Variants in CDR2L observed in about 807,000 individuals in gnomAD.
CDR2L encodes cerebellar degeneration related protein 2 like.
A neutral mutation model predicts 36.1 loss-of-function variants in CDR2L; 19 were observed. The observed-to-expected ratio is 0.53, with a 90% CI of 0.37 to 0.77. The LOEUF is 0.77. Among genes scored for constraint, CDR2L ranks in the 30% least tolerant of loss-of-function variants. CDR2L has a pLI of 0.00. For missense variants in CDR2L, 575 were observed against 627.2 expected, an observed-to-expected ratio of 0.92 and a Z score of 0.89; for synonymous variants, 285 against 280.4, an observed-to-expected ratio of 1.02 and a Z score of -0.16.
Position 75,004,334 on chromosome 17 carries a change from A to ATCCCCCAGC in CDR2L, c.*270_*278dup, listed in dbSNP as rs1350462043. The ATCCCCCAGC allele has an allele frequency of 1.0e-5, 4 of 401,908 alleles. No homozygotes were observed. The East Asian group carries it at 1.7e-4, about 17-fold the overall frequency. The allele number at this position is 401,908 out of a possible 1,614,324, so 24.9% of individuals were successfully genotyped here. ...GCCAAATGTCCCCACTACCCCAGGG[A>ATCCCCCAGC]TCCCCCAGCTCCCCCAGCCCCTGGC... On this transcript the variant is annotated 3_prime_UTR_variant, in exon 5 of 5. Transcript: ENST00000337231.
chr17:74,997,445 G>A (rs996254932), intron 1 of CDR2L, among the ~76,000 whole-genome samples: 2 of 152,084 alleles, frequency 1.3e-5, no homozygotes, highest in Non-Finnish European at 2.9e-5. Context: ...GGAGAGTGAA[G>A]CTCTCCCTTG....
chr17:75,001,380 G>A lies in CDR2L; in HGVS notation c.232G>A (p.Glu78Lys), dbSNP rs764486501. 6.8e-6 allele frequency: 11 copies of A among 1,611,474 alleles called. No individual in the cohort carries two copies. Among genetic ancestry groups the A allele is most frequent in the African/African-American group, 5.3e-5 (4 of 74,834 alleles). Residue 78 changes from glutamate to lysine, a missense_variant, in exon 3 of 5, where the codon GAG becomes AAG. Physicochemically the swap from Glu to Lys is moderately conservative, Grantham distance 56. Coordinates refer to ENST00000337231, the MANE Select transcript of CDR2L (RefSeq NM_014603.3). ...KQLDTLRHVNEQHAKVYEQLD... is the reference protein window; with the variant it reads ...KQLDTLRHVNKQHAKVYEQLD... ...GCTGGACACGCTGCGGCACGTGAAC[G>A]AGCAGCACGCCAAAGTCTATGAGCA...
chr17:74,995,950 C>G (rs576562290), intron 1 of CDR2L, among the ~76,000 whole-genome samples: 6 of 152,004 alleles, frequency 3.9e-5, no homozygotes, highest in African/African-American at 7.2e-5. Flanking sequence ...AGGACCCGCT[C>G]TCTCCCACCC....
chr17:75,004,386 A>C lies in CDR2L; in HGVS notation c.*312A>C. 3.6e-6 allele frequency: 1 copy of C among 279,940 alleles called. No individual in the cohort carries two copies. The allele number at this position is 279,940 out of a possible 1,614,324, so 17.3% of individuals were successfully genotyped here. A position where few individuals can be genotyped will look rare whatever the true frequency, so the allele number is the denominator to read the frequency against. On this transcript the variant is annotated 3_prime_UTR_variant, in exon 5 of 5. Transcript: ENST00000337231. The stretch of plus-strand genomic sequence containing the variant: ...TCCTGACCCTGCGCCTCACCCTCAG[A>C]CTGGTGACCAGGCTTCTGAAAGCCA...
chr17:74,995,286 C>A (rs1041251502), intron 1 of CDR2L, among the ~76,000 whole-genome samples: 20 of 151,622 alleles, frequency 1.3e-4, no homozygotes, highest in African/African-American at 4.6e-4. Flanking sequence ...TCACAGCTCA[C>A]CAAGTAGCTG....
chr17:74,998,654 A>G (rs2039845394), intron 1 of CDR2L, among the ~76,000 whole-genome samples: 1 of 152,208 alleles, frequency 6.6e-6, no homozygotes, highest in South Asian at 2.1e-4. Context: ...ACTGCAGGGC[A>G]GGGAACAGTG....
Position 75,002,059 on chromosome 17 carries a change from C to G in CDR2L, c.342-5C>G. ...GTCCCTGTGTGTCCACCACCCCGCCCCCAGGCTGACGGAGACCATTGAGCG... is the reference window on the plus strand; with the variant it reads ...GTCCCTGTGTGTCCACCACCCCGCCGCCAGGCTGACGGAGACCATTGAGCG... On this transcript the variant is annotated splice_region_variant and splice_polypyrimidine_tract_variant and intron_variant, in intron 3 of 4. Coordinates refer to ENST00000337231, the MANE Select transcript of CDR2L (RefSeq NM_014603.3). This position sits in a 1 kb window ranked among gnomAD's most constrained non-coding sequence, Gnocchi z 4.1. The G allele has an allele frequency of 1.9e-6, 3 of 1,574,394 alleles. No homozygotes were observed. The highest frequency in any genetic ancestry group is 2.6e-6 in the Non-Finnish European group (3 of 1,164,192).
At position 75,002,078 on chromosome 17, in the gene CDR2L, T is replaced by G; in HGVS notation, c.356T>G (p.Ile119Ser). The change falls in exon 4 of 5, where the codon ATT becomes AGT. Residue 119 changes from isoleucine (I) to serine (S), a missense_variant. Transcript: ENST00000337231. The surrounding 1 kb of genome is among the most constrained non-coding windows in gnomAD (Gnocchi z 4.1). Reference protein sequence around the residue: ...QQKIHGLTETIERLQAQVEEL... With the variant: ...QQKIHGLTETSERLQAQVEEL... ...CCCGCCCCCAGGCTGACGGAGACCATTGAGCGCCTCCAGGCTCAGGTGGAG... is the reference window on the plus strand; with the variant it reads ...CCCGCCCCCAGGCTGACGGAGACCAGTGAGCGCCTCCAGGCTCAGGTGGAG... The G allele has an allele frequency of 6.3e-7, 1 of 1,595,258 alleles. No homozygotes were observed. The highest frequency in any genetic ancestry group is 8.5e-7 in the Non-Finnish European group (1 of 1,172,908).
intron 1 of CDR2L, 88 bp downstream of exon 1, chr17:74,988,210 G>C: frequency 9.7e-7 from 1 of 1,033,528 alleles, no homozygotes; most frequent in Non-Finnish European, 1.4e-6. Flanking sequence ...ATCACCCCGG[G>C]AGGGGCTGGG....
Position 74,988,130 on chromosome 17 carries a change from C to CG in CDR2L, c.79+13dup. ...AGCAGGACCTGGAGCAGGGTGAGCG[C>CG]GGGGGCGACCGGGACAGGAAGGCGG... On this transcript the variant is annotated intron_variant, in intron 1 of 4. Transcript: ENST00000337231. The CG allele has an allele frequency of 1.3e-6, 2 of 1,521,238 alleles. No homozygotes were observed. Among genetic ancestry groups the CG allele is most frequent in the Admixed American group, 2.2e-5 (1 of 46,378 alleles). The allele number at this position is 1,521,238 out of a possible 1,614,324, so 94.2% of individuals were successfully genotyped here. A position where few individuals can be genotyped will look rare whatever the true frequency, so the allele number is the denominator to read the frequency against.
intron 2 of CDR2L, among the ~76,000 whole-genome samples, chr17:75,000,157 T>C (rs2039856284): frequency 6.6e-6 from 1 of 151,978 alleles, no homozygotes; most frequent in Admixed American, 6.5e-5. Flanking sequence ...AAGCCTGTGG[T>C]CCCAGCTACT....
At chr17:74,998,434 C>T (rs1402143548) in intron 1 of CDR2L, among the ~76,000 whole-genome samples, 1 of 151,316 alleles carries the variant, frequency 6.6e-6, no homozygotes, top group African/African-American at 2.4e-5. Context: ...GGAGGAAGAT[C>T]GTTGAGCCCA....
In CDR2L at chr17:74,994,362, G is replaced by C. The variant is rs73995710; in HGVS notation, c.80-5142G>C. ...TGATCTGATTTACATCGTCAGCCTA[G>C]ATTGAGAGCTGTTTTAAGAAGCAGC... is the stretch of plus-strand genomic sequence containing the variant. On this transcript the variant is annotated intron_variant, in intron 1 of 4. Transcript: ENST00000337231. 6.7e-3 allele frequency among the ~76,000 whole-genome samples: 1,019 copies of C among 152,300 alleles called. 9 individuals carry two copies. The highest frequency in any genetic ancestry group is 0.022 in the African/African-American group (931 of 41,552).
chr17:74,993,395 A>G (rs570996759), intron 1 of CDR2L, among the ~76,000 whole-genome samples: 1 of 152,146 alleles, frequency 6.6e-6, no homozygotes, highest in East Asian at 1.9e-4. Flanking sequence ...CTCCTGCCTC[A>G]GCCTTCTGAG....
chr17:74,993,776 G>A (rs1020162173), intron 1 of CDR2L, among the ~76,000 whole-genome samples: 1 of 152,158 alleles, frequency 6.6e-6, no homozygotes, highest in East Asian at 1.9e-4. Flanking sequence ...CTGCAGCCTT[G>A]CTCTAGGATA....
In CDR2L at chr17:75,003,796, TGCC is replaced by T. The variant is rs2039884779; in HGVS notation, c.1122_1124del (p.Cys374_Arg375delinsTrp). The stretch of plus-strand genomic sequence containing the variant: ...GAAGTACGAGGAGCTGCTGAGCAAG[TGCC>T]GGCAGCACGGGGCCGGAGTGCGGCA... On this transcript the variant is annotated inframe_deletion, in exon 5 of 5. Coordinates refer to ENST00000337231, the MANE Select transcript of CDR2L (RefSeq NM_014603.3). The T allele has an allele frequency of 6.5e-7, 1 of 1,533,322 alleles. No homozygotes were observed. The highest frequency in any genetic ancestry group is 8.8e-7 in the Non-Finnish European group (1 of 1,138,184). The allele number at this position is 1,533,322 out of a possible 1,614,324, so 95.0% of individuals were successfully genotyped here.
chr17:74,999,821 TA>T (rs1370358414), intron 2 of CDR2L, among the ~76,000 whole-genome samples: 2 of 144,234 alleles, frequency 1.4e-5, no homozygotes, highest in African/African-American at 2.5e-5. Context: ...TTTTTTTTTT[TA>T]AATAGACACC....
Position 75,005,485 on chromosome 17 carries a change from A to C in CDR2L, c.*1411A>C, listed in dbSNP as rs1341572308. The C allele has an allele frequency of 6.5e-6, 1 of 152,718 alleles. No homozygotes were observed. Among genetic ancestry groups the C allele is most frequent in the African/African-American group, 2.4e-5 (1 of 41,452 alleles). The allele number at this position is 152,718 out of a possible 1,614,324, so 9.5% of individuals were successfully genotyped here. On this transcript the variant is annotated 3_prime_UTR_variant, in exon 5 of 5. Transcript: ENST00000337231. The surrounding 1 kb of genome is among the most constrained non-coding windows in gnomAD (Gnocchi z 4.2). ...GGGTAAAGGGGTTTTCTTACCAAGC[A>C]TCCCTGACCTCCTGGAGACACCACC...
rs1208393214 is a variant in CDR2L, at chr17:74,988,769, G to A, written c.79+647G>A. Among the ~76,000 whole-genome samples, 3 of 152,164 alleles carry A rather than the reference G, an allele frequency of 2.0e-5. 1 individual carries two copies. The highest frequency in any genetic ancestry group is 1.3e-4 in the Admixed American group (2 of 15,268). On this transcript the variant is annotated intron_variant, in intron 1 of 4. Transcript: ENST00000337231. Reference sequence around the variant, plus strand: ...TCATGGTTTGGAGGGGGTCAGGTTCGGGAATCCCGGCCAGTGTGCCAGGCG... The same window carrying A: ...TCATGGTTTGGAGGGGGTCAGGTTCAGGAATCCCGGCCAGTGTGCCAGGCG...
Sources: allele counts gnomAD v4.1 joint callset (sites outside exome capture counted in the v4.1 genomes callset), GRCh38; gene constraint gnomAD v4.1.1; non-coding constraint Gnocchi (gnomAD v3.1); transcripts MANE v1.5; gene names NCBI Gene and HGNC (gene_info 2026-07-23, HGNC 2026-07-21).